PRDM8: variants seen among roughly 807,000 people sequenced by gnomAD.
PRDM8 encodes PR domain zinc finger protein 8.
PRDM8 carries 13 observed loss-of-function variants against 46.5 expected under a neutral mutation model. The observed-to-expected ratio is 0.28, with a 90% CI of 0.18 to 0.44. The LOEUF (loss-of-function observed/expected upper bound fraction) is 0.44. PRDM8 is among the 20% of genes least tolerant of loss of function. The pLI is 1.00. For synonymous variants in PRDM8, 473 were observed against 438.4 expected (o/e 1.08, Z -0.98); for missense variants, 998 against 955.0 (o/e 1.04, Z -0.59).
Position 80,203,301 on chromosome 4 carries a change from G to A in PRDM8, c.1839G>A (p.Pro613=). The A allele has an allele frequency of 6.2e-7, 1 of 1,610,732 alleles. No homozygotes were observed. The highest frequency in any genetic ancestry group is 8.5e-7 in the Non-Finnish European group (1 of 1,179,056). ...TGCCCTCGGCGCTCACGCTGCTGCC[G>A]CCCTCCTTCACCTCGCTGTGTCTGC... is the stretch of plus-strand genomic sequence containing the variant. ...LQLPSALTLL[P]PSFTSLCLPA... Residue 613 remains proline (P), a synonymous_variant, in exon 4 of 4, where the codon CCG becomes CCA. Coordinates refer to ENST00000415738, the MANE Select transcript of PRDM8 (RefSeq NM_001099403.2).
chr4:80,203,044 C>G lies in PRDM8; in HGVS notation c.1582C>G (p.Pro528Ala). ...QKLGALEPCH[P>A]ADGVGPTRLY... ...GCTGGGCGCGCTCGAGCCATGCCAC[C>G]CCGCCGACGGCGTGGGCCCCACCAG... Residue 528 changes from proline (P) to alanine (A), a missense_variant, in exon 4 of 4, where the codon CCC becomes GCC. Coordinates refer to ENST00000415738, the MANE Select transcript of PRDM8 (RefSeq NM_001099403.2). 5.1e-6 allele frequency: 8 copies of G among 1,554,694 alleles called. No individual in the cohort carries two copies. Among genetic ancestry groups the G allele is most frequent in the Non-Finnish European group, 6.9e-6 (8 of 1,159,890 alleles).
chr4:80,197,974 G>C (rs972704985), intron 1 of PRDM8, among the ~76,000 whole-genome samples: 1 of 152,238 alleles, frequency 6.6e-6, no homozygotes, highest in African/African-American at 2.4e-5. Flanking sequence ...GCGCGCGGCC[G>C]CCAGACAATG....
At position 80,202,055 on chromosome 4, in the gene PRDM8, G is replaced by A. The variant is rs776620537; in HGVS notation, c.593G>A (p.Gly198Asp). The A allele has an allele frequency of 1.9e-6, 3 of 1,613,894 alleles. No individual in the cohort carries two copies. Among genetic ancestry groups the A allele is most frequent in the Middle Eastern group, 1.6e-4 (1 of 6,062 alleles). Residue 198 changes from glycine (G) to aspartate (D), a missense_variant, in exon 4 of 4, where the codon GGC becomes GAC. Gly to Asp is a moderately conservative substitution (Grantham distance 94). Transcript: ENST00000415738. ...SPQDEQGGGV[G>D]TKDHGGGGGG... ...CAAGACGAACAAGGCGGCGGCGTGG[G>A]CACCAAGGACCACGGGGGCGGCGGC...
upstream of PRDM8, chr4:80,197,266 G>T: frequency 1.0e-6 from 1 of 982,656 alleles, no homozygotes; most frequent in Non-Finnish European, 1.2e-6. Context: ...AGCAGTCCCA[G>T]AGGGCCCGAG....
At chr4:80,186,890 C>G (rs1560464037) in intron 1 of PRDM8, among the ~76,000 whole-genome samples, 2 of 152,186 alleles carry the variant, frequency 1.3e-5, no homozygotes, top group African/African-American at 4.8e-5. Flanking sequence ...CAGTGGTGCC[C>G]TTTCTCTGTG....
At chr4:80,199,705 A>ATGTGTG (rs1321510964) in intron 1 of PRDM8, among the ~76,000 whole-genome samples, 29 of 70,040 alleles carry the variant, frequency 4.1e-4, no homozygotes, top group African/African-American at 2.4e-3. Context: ...GTATATATAT[A>ATGTGTG]TATATGTGTG....
chr4:80,196,185 G>A (rs1019794166), upstream of PRDM8: 20 of 910,876 alleles, frequency 2.2e-5, no homozygotes, highest in Non-Finnish European at 2.6e-5. Context: ...AAACAACAAC[G>A]AGGCTGTCTC....
intron 3 of PRDM8, 122 bp from the exon 4 acceptor site, chr4:80,201,792 A>G: frequency 1.4e-6 from 2 of 1,396,332 alleles, no homozygotes; most frequent in East Asian, 2.3e-5. Flanking sequence ...TGAGAAATGA[A>G]GGTGGATTTG....
rs1738497193 is a variant in PRDM8, at chr4:80,201,918, G to C, written c.456G>C (p.Ser152=). 1 of 1,613,558 alleles carries C rather than the reference G, an allele frequency of 6.2e-7. No homozygotes were observed. The change falls in exon 4 of 4, where the codon TCG becomes TCC. Residue 152 remains serine (S), a synonymous_variant. Transcript: ENST00000415738. ...TGGTGTTTGCTCACTAAGCAGGGTC[G>C]TCCCCTTACACATGCCTGGAATGCA... The part of the protein sequence containing the change: ...PSRSHNKMNG[S]SPYTCLECSQ...
At chr4:80,197,497 CCAGT>C (rs988918147), upstream of PRDM8, 27 of 985,824 alleles carry the variant, frequency 2.7e-5, no homozygotes, top group East Asian at 1.1e-4. Flanking sequence ...TGTCTGCGTG[CCAGT>C]CAGTCACTGC....
At chr4:80,196,616 T>C, upstream of PRDM8, 1 of 985,316 alleles carries the variant, frequency 1.0e-6, no homozygotes, top group African/African-American at 1.7e-5. Flanking sequence ...TCATTTTTAT[T>C]TTTAATCACC....
At chr4:80,197,973 C>T (rs1193480248) in intron 1 of PRDM8, among the ~76,000 whole-genome samples, 2 of 152,198 alleles carry the variant, frequency 1.3e-5, no homozygotes, top group Non-Finnish European at 2.9e-5. Flanking sequence ...AGCGCGCGGC[C>T]GCCAGACAAT....
At chr4:80,196,631 C>G (rs143826249), upstream of PRDM8, 1,985 of 983,856 alleles carry the variant, frequency 2.0e-3, 9 homozygotes, top group Middle Eastern at 0.018. Context: ...ATCACCCTTG[C>G]CCCCCAACCC....
At chr4:80,191,288 T>C (rs558049238) in intron 1 of PRDM8, among the ~76,000 whole-genome samples, 166 of 152,244 alleles carry the variant, frequency 1.1e-3, no homozygotes, top group Non-Finnish European at 2.1e-3. Context: ...TATTCAGGCC[T>C]AAGTTAAATT....
chr4:80,202,772 T>C lies in PRDM8; in HGVS notation c.1310T>C (p.Leu437Pro), dbSNP rs1230640735. 8.0e-7 allele frequency: 1 copy of C among 1,251,400 alleles called. No individual in the cohort carries two copies. Among genetic ancestry groups the C allele is most frequent in the East Asian group, 3.2e-5 (1 of 30,986 alleles). 77.5% of individuals were successfully genotyped at this position (1,251,400 alleles called of 1,614,324 possible). ...TCACCGGTGGGCGCCGAGAAGCTGC[T>C]GGCCCCGCGGCCTGGGGGCCCGCTG... ...AASPVGAEKL[L>P]APRPGGPLPS... is the part of the protein sequence containing the mutation. The change falls in exon 4 of 4, where the codon CTG becomes CCG. Residue 437 changes from leucine (L) to proline (P), a missense_variant. Physicochemically the swap from Leu to Pro is moderately conservative, Grantham distance 98. Transcript: ENST00000415738.
upstream of PRDM8, chr4:80,196,723 A>C (rs1358024730): frequency 4.5e-6 from 4 of 898,010 alleles, no homozygotes; most frequent in African/African-American, 3.7e-5. Context: ...GGGGGGAAAA[A>C]CCCCACGAAA....
Position 80,187,529 on chromosome 4 carries a change from GCTCC to G in PRDM8, c.-983+2012_-983+2015del, listed in dbSNP as rs1737208307. On this transcript the variant is annotated intron_variant, in intron 1 of 9. Transcript: ENST00000339711. ...GATGTCTGTGAATTTAGGGTTTGGG[GCTCC>G]AAATTGAATTTCCAAGGTTTGGGGG... Among the ~76,000 whole-genome samples, 5 of 152,044 alleles carry G rather than the reference GCTCC, an allele frequency of 3.3e-5. No homozygotes were observed. The South Asian group carries it at 8.3e-4, about 25-fold the overall frequency.
intron 1 of PRDM8, among the ~76,000 whole-genome samples, chr4:80,185,987 C>G (rs1264057926): frequency 6.6e-6 from 1 of 152,152 alleles, no homozygotes; most frequent in Non-Finnish European, 1.5e-5. Flanking sequence ...CGGGGGCCAC[C>G]GTCGCTGCAG....
In PRDM8 at chr4:80,203,279, C is replaced by T. The variant is rs1738723899; in HGVS notation, c.1817C>T (p.Pro606Leu). ...GCGGGGCCCTTGCAGCTGCAGCTGC[C>T]CTCGGCGCTCACGCTGCTGCCGCCC... is the stretch of plus-strand genomic sequence containing the variant. Reference protein sequence around the residue: ...AAAGPLQLQLPSALTLLPPSF... With the variant: ...AAAGPLQLQLLSALTLLPPSF... Residue 606 changes from proline to leucine, a missense_variant, in exon 4 of 4, where the codon CCC becomes CTC. Coordinates refer to ENST00000415738, the MANE Select transcript of PRDM8 (RefSeq NM_001099403.2). The T allele has an allele frequency of 1.9e-6, 3 of 1,597,284 alleles. No homozygotes were observed. The highest frequency in any genetic ancestry group is 1.7e-6 in the Non-Finnish European group (2 of 1,173,478).
Sources: gnomAD v4.1 joint callset for allele counts (sites outside exome capture counted in the v4.1 genomes callset) on GRCh38, gnomAD v4.1.1 for gene constraint, MANE v1.5 for transcripts, NCBI Gene and HGNC (gene_info 2026-07-23, HGNC 2026-07-21) for gene names.